Variants in POLR1B observed in about 807,000 individuals in gnomAD.
The protein encoded by POLR1B is RNA polymerase I subunit B.
POLR1B carries 30 observed loss-of-function variants against 105.8 expected under a neutral mutation model. The ratio of observed to expected loss-of-function variants is 0.28; its 90% CI spans 0.21 to 0.38. The LOEUF (loss-of-function observed/expected upper bound fraction) is 0.38, where lower values mean the gene tolerates loss of function less well. Among genes scored for constraint, POLR1B ranks in the 10% least tolerant of loss-of-function variants. The pLI is 1.00. For missense variants in POLR1B, 976 were observed against 1,435.8 expected (o/e 0.68, Z 5.17); for synonymous variants, 485 against 505.1 (o/e 0.96, Z 0.53).
intron 7 of POLR1B, among the ~76,000 whole-genome samples, chr2:112,557,532 A>G (rs1214283720): frequency 1.3e-5 from 2 of 152,252 alleles, no homozygotes; most frequent in Non-Finnish European, 2.9e-5. Context: ...AAGATCGTAC[A>G]GATTACATGG....
At chr2:112,557,746 C>T (rs998193094) in intron 7 of POLR1B, among the ~76,000 whole-genome samples, 164 bp from the exon 8 acceptor site, 2 of 151,786 alleles carry the variant, frequency 1.3e-5, no homozygotes, top group Non-Finnish European at 2.9e-5. Flanking sequence ...CACCCCACCC[C>T]CTCTGGCTAA....
chr2:112,565,611 G>T (rs373829192), intron 10 of POLR1B, among the ~76,000 whole-genome samples: 154 of 151,474 alleles, frequency 1.0e-3, no homozygotes, highest in African/African-American at 3.5e-3. Flanking sequence ...CCAGGCTGGG[G>T]TGCAGTGGCA....
chr2:112,547,313 G>T, intron 2 of POLR1B, 108 bp from the exon 3 acceptor site: 1 of 1,482,686 alleles, frequency 6.7e-7, no homozygotes, highest in Non-Finnish European at 9.2e-7. Flanking sequence ...TAAATCTAAG[G>T]CATAAAATAA....
At chr2:112,549,160 T>C in intron 3 of POLR1B, 107 bp from the exon 4 acceptor site, 3 of 1,243,270 alleles carry the variant, frequency 2.4e-6, no homozygotes, top group Non-Finnish European at 3.5e-6. Flanking sequence ...ATTTCACCTC[T>C]GTGTTCCTAT....
In POLR1B at chr2:112,578,040, C is replaced by A. The variant is rs1241928914; in HGVS notation, c.*2311C>A. Among the ~76,000 whole-genome samples the A allele has an allele frequency of 6.6e-6, 1 of 152,104 alleles. No individual in the cohort carries two copies. ...TACTGAATGATCCCACAGCTGAGGT[C>A]TATTGTCATCGCTCCACTTCTATTT... On this transcript the variant is annotated 3_prime_UTR_variant, in exon 15 of 15. Transcript: ENST00000263331.
intron 8 of POLR1B, 46 bp from the exon 9 acceptor site, chr2:112,559,247 T>C (rs1459772798): frequency 6.2e-7 from 1 of 1,601,250 alleles, no homozygotes; most frequent in South Asian, 1.1e-5. Flanking sequence ...CAATTTCCAT[T>C]TTTCAAAAGA....
At position 112,579,059 on chromosome 2, in the gene POLR1B, T is replaced by C. The variant is rs552464053; in HGVS notation, c.*3330T>C. ...CCCGTCTCTATTAAAAATACAAAAATTAGCTGGGTGTGATGGCACACGCCT... is the reference window on the plus strand; with the variant it reads ...CCCGTCTCTATTAAAAATACAAAAACTAGCTGGGTGTGATGGCACACGCCT... On this transcript the variant is annotated 3_prime_UTR_variant, in exon 15 of 15. Coordinates refer to ENST00000263331, the MANE Select transcript of POLR1B (RefSeq NM_019014.6). 6.6e-6 allele frequency among the ~76,000 whole-genome samples: 1 copy of C among 151,642 alleles called. No individual in the cohort carries two copies. The highest frequency in any genetic ancestry group is 1.9e-4 in the East Asian group (1 of 5,174).
In POLR1B at chr2:112,561,420, A is replaced by ATGT. The variant is rs1236375546; in HGVS notation, c.1612+1846_1612+1847insTGT. On this transcript the variant is annotated intron_variant, in intron 9 of 14. Coordinates refer to ENST00000263331, the MANE Select transcript of POLR1B (RefSeq NM_019014.6). ...GGTAACTTCTGACACTCTAACAAAC[A>ATGT]CTTGATGTCTTCAGAATGTATTTAT... Among the ~76,000 whole-genome samples the ATGT allele has an allele frequency of 5.3e-4, 80 of 152,062 alleles. 2 individuals are homozygous for ATGT. The highest frequency in any genetic ancestry group is 1.9e-3 in the African/African-American group (77 of 41,450).
At chr2:112,565,453 A>T (rs1277657655) in intron 10 of POLR1B, among the ~76,000 whole-genome samples, 1 of 152,194 alleles carries the variant, frequency 6.6e-6, no homozygotes, top group Non-Finnish European at 1.5e-5. Context: ...TCTCTTCAAT[A>T]ACCACAGTAC....
intron 8 of POLR1B, 61 bp from the exon 9 acceptor site, chr2:112,559,232 C>G (rs1683829603): frequency 6.3e-7 from 1 of 1,584,700 alleles, no homozygotes; most frequent in Admixed American, 1.7e-5. Flanking sequence ...GTCATAAAGC[C>G]TCAACAATTT....
chr2:112,543,907 A>C (rs1200356171), intron 1 of POLR1B, among the ~76,000 whole-genome samples: 1 of 151,968 alleles, frequency 6.6e-6, no homozygotes, highest in African/African-American at 2.4e-5. Context: ...AACATAGTGA[A>C]ACCCCATCTC....
At chr2:112,563,668 C>T (rs1684126572) in intron 9 of POLR1B, among the ~76,000 whole-genome samples, 1 of 151,938 alleles carries the variant, frequency 6.6e-6, no homozygotes, top group Non-Finnish European at 1.5e-5. Context: ...GAGGCCAAGG[C>T]GAGAGGATTG....
chr2:112,546,313 T>C (rs1313657472), intron 1 of POLR1B, among the ~76,000 whole-genome samples: 1 of 152,164 alleles, frequency 6.6e-6, no homozygotes, highest in African/African-American at 2.4e-5. Flanking sequence ...TAAAGGATGT[T>C]TCCGTATCCT....
rs553100028 is a variant in POLR1B, at chr2:112,575,906, A to T, written c.*177A>T. 6.7e-6 allele frequency: 4 copies of T among 600,774 alleles called. No individual in the cohort carries two copies. Among genetic ancestry groups the T allele is most frequent in the Non-Finnish European group, 1.1e-5 (4 of 352,238 alleles). 37.2% of individuals were successfully genotyped at this position (600,774 alleles called of 1,614,324 possible). A position where few individuals can be genotyped will look rare whatever the true frequency, so the allele number is the denominator to read the frequency against. ...TCTGAATCTCTCTGGTAGATTAACT[A>T]TTGACAATGATTTTCTGTTATCTTT... On this transcript the variant is annotated 3_prime_UTR_variant, in exon 15 of 15. Coordinates refer to ENST00000263331, the MANE Select transcript of POLR1B (RefSeq NM_019014.6). The surrounding 1 kb of genome is among the most constrained non-coding windows in gnomAD (Gnocchi z 5.3).
rs767215321 is a variant in POLR1B, at chr2:112,550,996, A to G, written c.756A>G (p.Ala252=). ...TGTTCTTTCTTCCTTTGGGATTTGC[A>G]CTTAAGGTATGACTTAATGAATGCA... ...KELFFLPLGF[A]LKALVSFSDY... is the part of the protein sequence containing the mutation. The change falls in exon 5 of 15, where the codon GCA becomes GCG. Residue 252 remains alanine, a synonymous_variant. Coordinates refer to ENST00000263331, the MANE Select transcript of POLR1B (RefSeq NM_019014.6). 6.2e-7 allele frequency: 1 copy of G among 1,613,320 alleles called. No homozygotes were observed. The highest frequency in any genetic ancestry group is 1.1e-5 in the South Asian group (1 of 91,088).
chr2:112,542,288 C>G, upstream of POLR1B: 2 of 1,530,106 alleles, frequency 1.3e-6, no homozygotes, highest in Non-Finnish European at 1.7e-6. Context: ...TGGACACGGC[C>G]TTAATCGGCC....
intron 9 of POLR1B, among the ~76,000 whole-genome samples, chr2:112,563,395 T>C (rs571756263): frequency 6.6e-6 from 1 of 152,304 alleles, no homozygotes; most frequent in African/African-American, 2.4e-5. Context: ...GCGACACCAA[T>C]TGCATCTTCC....
At chr2:112,559,686 A>C in intron 9 of POLR1B, 112 bp downstream of exon 9, 1 of 1,285,028 alleles carries the variant, frequency 7.8e-7, no homozygotes, top group Non-Finnish European at 1.1e-6. Context: ...GCTGGAGTGC[A>C]GTGGCGCGAT....
chr2:112,567,890 T>G, intron 10 of POLR1B, 77 bp from the exon 11 acceptor site: 2 of 1,262,398 alleles, frequency 1.6e-6, no homozygotes, highest in South Asian at 1.3e-5. Context: ...TGAGTGGTAT[T>G]CCATGGGGCA....
Sources: allele counts gnomAD v4.1 joint callset (sites outside exome capture counted in the v4.1 genomes callset), GRCh38; gene constraint gnomAD v4.1.1; non-coding constraint Gnocchi (gnomAD v3.1); transcripts MANE v1.5; gene names NCBI Gene and HGNC (gene_info 2026-07-23, HGNC 2026-07-21).